The following LRRC2 variants were observed in gnomAD, a reference collection of about 807,000 sequenced individuals.
The protein encoded by LRRC2 is leucine-rich repeat-containing protein 2.
Under a neutral mutation model 40.2 loss-of-function variants are expected in LRRC2, and 27 were observed. That is an observed-to-expected ratio of 0.67 (90% CI 0.49 to 0.93). The LOEUF is 0.93. Among genes scored for constraint, LRRC2 ranks in the 40% least tolerant of loss-of-function variants. LRRC2 has a pLI of 0.00. For missense variants in LRRC2, 402 were observed against 439.6 expected, an observed-to-expected ratio of 0.91 and a Z score of 0.76; for synonymous variants, 147 against 158.9, an observed-to-expected ratio of 0.92 and a Z score of 0.56.
At chr3:46,531,505 C>T (rs376335023) in intron 5 of LRRC2, among the ~76,000 whole-genome samples, 3 of 152,026 alleles carry the variant, frequency 2.0e-5, no homozygotes, top group East Asian at 3.8e-4. Context: ...GTGATGAGAA[C>T]GGTTAGACAG....
intron 2 of LRRC2, among the ~76,000 whole-genome samples, chr3:46,548,662 G>C (rs1226193864): frequency 6.6e-6 from 1 of 152,110 alleles, no homozygotes; most frequent in Non-Finnish European, 1.5e-5. Flanking sequence ...CAGCCTCAAT[G>C]GAGAAGAAAT....
At position 46,517,239 on chromosome 3, in the gene LRRC2, C is replaced by CTAT. The variant is rs1395184470; in HGVS notation, c.*1772_*1774dup. On this transcript the variant is annotated 3_prime_UTR_variant, in exon 9 of 9. Transcript: ENST00000395905. ...AGATGATTCATATAAAAATATGCCA[C>CTAT]TATATGCATATTTTCCTTCTTAGTC... 1.3e-5 allele frequency: 2 copies of CTAT among 149,988 alleles called. No homozygotes were observed. Among genetic ancestry groups the CTAT allele is most frequent in the African/African-American group, 2.5e-5 (1 of 40,722 alleles). The allele number at this position is 149,988 out of a possible 1,614,324, so 9.3% of individuals were successfully genotyped here.
In LRRC2 at chr3:46,545,352, T is replaced by C. The variant is rs565695216; in HGVS notation, c.126-99A>G. On this transcript the variant is annotated intron_variant, in intron 2 of 8. Coordinates refer to ENST00000395905, the MANE Select transcript of LRRC2 (RefSeq NM_024512.5). Reference sequence around the variant, plus strand: ...CACCTGGGCATAGGTGCTCTCCTTGTCATTCCCAGGCCTACGTAAGCACTC... The same window carrying C: ...CACCTGGGCATAGGTGCTCTCCTTGCCATTCCCAGGCCTACGTAAGCACTC... The C allele has an allele frequency of 5.0e-6, 5 of 1,004,912 alleles. No individual in the cohort carries two copies. The East Asian group carries it at 1.0e-4, about 21-fold the overall frequency. The allele number at this position is 1,004,912 out of a possible 1,614,324, so 62.2% of individuals were successfully genotyped here. A position where few individuals can be genotyped will look rare whatever the true frequency, so the allele number is the denominator to read the frequency against.
At chr3:46,562,334 G>A (rs567803658) in intron 1 of LRRC2, among the ~76,000 whole-genome samples, 9 of 152,234 alleles carry the variant, frequency 5.9e-5, no homozygotes, top group South Asian at 4.2e-4. Flanking sequence ...TTCAGATGAC[G>A]GCAGCCCCTG....
intron 6 of LRRC2, among the ~76,000 whole-genome samples, chr3:46,529,105 G>A (rs993478640): frequency 7.1e-6 from 1 of 140,694 alleles, no homozygotes; most frequent in Admixed American, 7.3e-5. Context: ...CAGCTAACGG[G>A]ACTCTGTCTC....
chr3:46,551,099 C>A, intron 2 of LRRC2: 1 of 162,360 alleles, frequency 6.2e-6, no homozygotes, highest in African/African-American at 2.4e-5. Context: ...ACAGAGTAGC[C>A]CCAAGCTGCC....
intron 2 of LRRC2, among the ~76,000 whole-genome samples, chr3:46,549,397 C>G (rs1289780939): frequency 6.6e-6 from 1 of 152,190 alleles, no homozygotes; most frequent in Admixed American, 6.5e-5. Flanking sequence ...TTACTACCCC[C>G]ATTTCTGAAG....
chr3:46,531,743 G>C (rs1433909382), intron 5 of LRRC2, among the ~76,000 whole-genome samples: 1 of 152,062 alleles, frequency 6.6e-6, no homozygotes, highest in African/African-American at 2.4e-5. Flanking sequence ...AGGGTGGAAT[G>C]GGTGCTAACA....
At chr3:46,552,416 A>C (rs11919651) in intron 1 of LRRC2, among the ~76,000 whole-genome samples, 15,647 of 151,196 alleles carry the variant, frequency 0.1, 981 homozygotes, top group Non-Finnish European at 0.15. Flanking sequence ...GCGGTGTTAT[A>C]ATTGCTTTTC....
At chr3:46,521,276 C>T (rs533309468) in intron 8 of LRRC2, among the ~76,000 whole-genome samples, 31 of 152,278 alleles carry the variant, frequency 2.0e-4, no homozygotes, top group African/African-American at 7.2e-4. Context: ...TTTAAGTGCA[C>T]GTTTCCCAGC....
At position 46,527,880 on chromosome 3, in the gene LRRC2, C is replaced by T. The variant is rs556095260; in HGVS notation, c.774-299G>A. Among the ~76,000 whole-genome samples the T allele has an allele frequency of 6.6e-5, 10 of 152,140 alleles. No homozygotes were observed. In the South Asian group the frequency reaches 1.0e-3, roughly 16 times the overall value. Reference sequence around the variant, plus strand: ...CTGAGTAACTAGGACTACAGGCACACGCCATCATGCCCGGCTAATTATTTT... The same window carrying T: ...CTGAGTAACTAGGACTACAGGCACATGCCATCATGCCCGGCTAATTATTTT... On this transcript the variant is annotated intron_variant, in intron 6 of 8. Transcript: ENST00000395905.
At chr3:46,565,613 G>C (rs553525776) in intron 1 of LRRC2, among the ~76,000 whole-genome samples, 1 of 152,278 alleles carries the variant, frequency 6.6e-6, no homozygotes, top group South Asian at 2.1e-4. Context: ...TGGTCCAGCA[G>C]AAGAGCTAGC....
intron 1 of LRRC2, among the ~76,000 whole-genome samples, chr3:46,560,699 T>C (rs1559422464): frequency 6.6e-6 from 1 of 152,164 alleles, no homozygotes; most frequent in African/African-American, 2.4e-5. Flanking sequence ...TGGGTCTGGT[T>C]TTGTGTGGTT....
chr3:46,532,814 C>A lies in LRRC2; in HGVS notation c.586G>T (p.Asp196Tyr). The change falls in exon 5 of 9, where the codon GAT becomes TAT. Residue 196 changes from aspartate to tyrosine, a missense_variant. By Grantham distance (160) the Asp-to-Tyr change is radical. Coordinates refer to ENST00000395905, the MANE Select transcript of LRRC2 (RefSeq NM_024512.5). ...ATTAATTCTAGATTTCCAGAACAAT[C>A]CAGTCTCTCTAGATTTTCACAATCT... ...LGDCENLERL[D>Y]CSGNLELMEL... 1.9e-6 allele frequency: 3 copies of A among 1,613,940 alleles called. No individual in the cohort carries two copies. Among genetic ancestry groups the A allele is most frequent in the Non-Finnish European group, 2.5e-6 (3 of 1,179,870 alleles).
intron 6 of LRRC2, among the ~76,000 whole-genome samples, chr3:46,529,572 A>T (rs1704122291): frequency 6.6e-6 from 1 of 152,224 alleles, no homozygotes; most frequent in Non-Finnish European, 1.5e-5. Flanking sequence ...ACATACAGTG[A>T]TATGTTTCTA....
intron 4 of LRRC2, among the ~76,000 whole-genome samples, chr3:46,538,123 G>A (rs1453257233): frequency 6.6e-6 from 1 of 152,160 alleles, no homozygotes; most frequent in Admixed American, 6.5e-5. Context: ...GGCTCCACAA[G>A]CCACCTGTCC....
chr3:46,551,244 C>G (rs965846803), intron 2 of LRRC2: 4 of 384,990 alleles, frequency 1.0e-5, no homozygotes, highest in Non-Finnish European at 1.4e-5. Context: ...CTCGTGCCTA[C>G]CACAAGGGTG....
At position 46,518,389 on chromosome 3, in the gene LRRC2, T is replaced by C. The variant is rs1575341423; in HGVS notation, c.*625A>G. 1.3e-5 allele frequency: 2 copies of C among 149,602 alleles called. No homozygotes were observed. The highest frequency in any genetic ancestry group is 1.3e-4 in the Admixed American group (2 of 14,968). 9.3% of individuals were successfully genotyped at this position (149,602 alleles called of 1,614,324 possible). A position where few individuals can be genotyped will look rare whatever the true frequency, so the allele number is the denominator to read the frequency against. On this transcript the variant is annotated 3_prime_UTR_variant, in exon 9 of 9. Transcript: ENST00000395905. ...CTTTTTTTTTTTTTTTGAGACAGAG[T>C]CTGGCTCTGTCACCCAGGCTGGAGT...
rs184697205 is a variant in LRRC2, at chr3:46,523,476, C to T, written c.930-1818G>A. Among the ~76,000 whole-genome samples, 94 of 152,260 alleles carry T rather than the reference C, an allele frequency of 6.2e-4. 1 individual carries two copies. Among genetic ancestry groups the T allele is most frequent in the African/African-American group, 2.1e-3 (87 of 41,554 alleles). ...TCTCCCCTTCTTTCCAGTTTCCCAA[C>T]CTTCCCACTTCCAAATTTTTACCTA... On this transcript the variant is annotated intron_variant, in intron 7 of 8. Coordinates refer to ENST00000395905, the MANE Select transcript of LRRC2 (RefSeq NM_024512.5).
Sources: allele counts gnomAD v4.1 joint callset (sites outside exome capture counted in the v4.1 genomes callset), GRCh38; gene constraint gnomAD v4.1.1; transcripts MANE v1.5; gene names NCBI Gene and HGNC (gene_info 2026-07-23, HGNC 2026-07-21).